The following ANKFN1 variants were observed in gnomAD, a reference collection of about 807,000 sequenced individuals.
The protein encoded by ANKFN1 is ankyrin repeat and fibronectin type-III domain-containing protein 1.
Under a neutral mutation model 108.7 loss-of-function variants are expected in ANKFN1, and 74 were observed. The ratio of observed to expected loss-of-function variants is 0.68; its 90% CI spans 0.56 to 0.83. The LOEUF is 0.83. Among genes scored for constraint, ANKFN1 ranks in the 40% least tolerant of loss-of-function variants. The pLI is 0.00. For synonymous variants in ANKFN1, 547 were observed against 516.2 expected (o/e 1.06, Z -0.81); for missense variants, 1,505 against 1,382.3 (o/e 1.09, Z -1.41).
intron 8 of ANKFN1, among the ~76,000 whole-genome samples, chr17:56,387,504 T>C (rs2047310435): frequency 6.6e-6 from 1 of 152,250 alleles, no homozygotes; most frequent in African/African-American, 2.4e-5. Context: ...GCACATATCA[T>C]ATGTTAAAAA....
At chr17:56,330,777 T>C (rs2144562701) in intron 4 of ANKFN1, among the ~76,000 whole-genome samples, 1 of 152,336 alleles carries the variant, frequency 6.6e-6, no homozygotes, top group African/African-American at 2.4e-5. Context: ...GGTTACAAAG[T>C]AGATCATCCA....
intron 2 of ANKFN1, among the ~76,000 whole-genome samples, chr17:56,219,890 T>C (rs1322169227): frequency 1.3e-5 from 2 of 152,234 alleles, no homozygotes; most frequent in Non-Finnish European, 1.5e-5. Flanking sequence ...AGGAGGCCCT[T>C]GGCTTTTTAA....
intron 8 of ANKFN1, among the ~76,000 whole-genome samples, chr17:56,375,797 C>T (rs922841619): frequency 6.6e-6 from 1 of 152,170 alleles, no homozygotes; most frequent in African/African-American, 2.4e-5. Flanking sequence ...ATGCACCAGG[C>T]ACCATTTAAA....
chr17:56,467,796 A>AAG (rs1491389741), intron 15 of ANKFN1, among the ~76,000 whole-genome samples: 66 of 18,174 alleles, frequency 3.6e-3, no homozygotes, highest in African/African-American at 0.012. Flanking sequence ...AGAAAGAAGA[A>AAG]AGAAAGAAAG....
At chr17:56,338,238 T>C (rs900162586) in intron 4 of ANKFN1, among the ~76,000 whole-genome samples, 6 of 151,894 alleles carry the variant, frequency 4.0e-5, no homozygotes, top group South Asian at 2.1e-4. Flanking sequence ...CACTCATAGG[T>C]GGGAATTGAA....
chr17:56,262,502 A>G (rs2043539536), intron 3 of ANKFN1, among the ~76,000 whole-genome samples: 1 of 152,136 alleles, frequency 6.6e-6, no homozygotes. Flanking sequence ...TTATTTGGAG[A>G]TTTATATGGA....
At chr17:56,360,626 C>A (rs1216419817) in intron 6 of ANKFN1, among the ~76,000 whole-genome samples, 1 of 152,108 alleles carries the variant, frequency 6.6e-6, no homozygotes, top group Non-Finnish European at 1.5e-5. Context: ...AAGCCTATTT[C>A]TTTTGAGGGG....
At chr17:56,245,014 G>A (rs1209405521) in intron 3 of ANKFN1, among the ~76,000 whole-genome samples, 1 of 151,878 alleles carries the variant, frequency 6.6e-6, no homozygotes, top group African/African-American at 2.4e-5. Flanking sequence ...TTGCTTACTT[G>A]TCTGTAGCCC....
chr17:56,226,982 A>G (rs1916326293), intron 2 of ANKFN1, among the ~76,000 whole-genome samples: 1 of 152,122 alleles, frequency 6.6e-6, no homozygotes, highest in Non-Finnish European at 1.5e-5. Flanking sequence ...TAGAGCTTGG[A>G]AAAACATCGG....
chr17:56,246,536 G>A (rs984252428), intron 3 of ANKFN1, among the ~76,000 whole-genome samples: 7 of 151,924 alleles, frequency 4.6e-5, no homozygotes, highest in Non-Finnish European at 1.0e-4. Flanking sequence ...CAAACTCCTT[G>A]TGCAATTTTT....
At chr17:56,477,460 CTTTTT>C (rs373804237) in intron 15 of ANKFN1, 23 bp from the exon 16 acceptor site, 848 of 1,345,504 alleles carry the variant, frequency 6.3e-4, no homozygotes, top group South Asian at 1.6e-3. Flanking sequence ...TTCTTGTTTT[CTTTTT>C]TTTTTTTTTT....
rs536431273 is a variant in ANKFN1, at chr17:56,086,578, C to T, written c.288+40253C>T. ...CATTTAAGGTTTTTATCAGGCTAGCCAGAGGCTTCACCTGGATTCTTCTCC... is the reference window on the plus strand; with the variant it reads ...CATTTAAGGTTTTTATCAGGCTAGCTAGAGGCTTCACCTGGATTCTTCTCC... On this transcript the variant is annotated intron_variant, in intron 4 of 12. Transcript: ENST00000635860. Among the ~76,000 whole-genome samples, 145 of 151,422 alleles carry T rather than the reference C, an allele frequency of 9.6e-4. 7 individuals are homozygous for T. The highest frequency in any genetic ancestry group is 1.2e-3 in the Non-Finnish European group (81 of 67,724).
intron 8 of ANKFN1, among the ~76,000 whole-genome samples, chr17:56,412,483 C>T (rs1366355400): frequency 1.3e-5 from 2 of 152,148 alleles, no homozygotes; most frequent in East Asian, 3.9e-4. Flanking sequence ...GGCAGACCCA[C>T]CCTCACTCTG....
At chr17:56,354,545 C>T (rs1381043207) in intron 6 of ANKFN1, among the ~76,000 whole-genome samples, 5 of 152,024 alleles carry the variant, frequency 3.3e-5, no homozygotes, top group Non-Finnish European at 7.4e-5. Flanking sequence ...GGAATACTTC[C>T]AATAAGCAAG....
At chr17:56,372,097 C>A (rs143992734) in intron 6 of ANKFN1, among the ~76,000 whole-genome samples, 1 of 152,126 alleles carries the variant, frequency 6.6e-6, no homozygotes, top group Admixed American at 6.6e-5. Flanking sequence ...CATTGATTAA[C>A]AATAATAAAA....
At position 56,511,558 on chromosome 17, in the gene ANKFN1, G is replaced by A; in HGVS notation, c.*289G>A. 1 of 336,164 alleles carries A rather than the reference G, an allele frequency of 3.0e-6. No homozygotes were observed. Among genetic ancestry groups the A allele is most frequent in the South Asian group, 7.6e-5 (1 of 13,218 alleles). The allele number at this position is 336,164 out of a possible 1,614,324, so 20.8% of individuals were successfully genotyped here. ...ATGCCACCCTGTTGGTGGCACCTAT[G>A]ACTGAAGCTGGCCATCCCAAAGAGA... On this transcript the variant is annotated 3_prime_UTR_variant, in exon 21 of 21. Coordinates refer to ENST00000682825, the MANE Select transcript of ANKFN1 (RefSeq NM_001370326.1).
rs58283151 is a variant in ANKFN1, at chr17:56,123,795, TTGTGTGTGTGTGTGTG to T, written c.288+77485_288+77500del. Among the ~76,000 whole-genome samples, 3 of 144,812 alleles carry T rather than the reference TTGTGTGTGTGTGTGTG, an allele frequency of 2.1e-5. No homozygotes were observed. The East Asian group carries it at 6.2e-4, about 30-fold the overall frequency. Reference sequence around the variant, plus strand: ...TGTGTGAGCCTGTGTGCATGACTGATTGTGTGTGTGTGTGTGTGTGTGTGTGTGTGACAGAGAGAGA... The same window carrying T: ...TGTGTGAGCCTGTGTGCATGACTGATTGTGTGTGTGTGTGACAGAGAGAGA... On this transcript the variant is annotated intron_variant, in intron 4 of 12. Coordinates refer to the ANKFN1 transcript ENST00000635860.
chr17:56,218,946 C>G (rs914824384), intron 2 of ANKFN1, among the ~76,000 whole-genome samples: 1 of 152,072 alleles, frequency 6.6e-6, no homozygotes, highest in African/African-American at 2.4e-5. Context: ...GAAGAACTTC[C>G]TTTGCTCCTA....
chr17:56,194,985 A>G (rs1420967330), intron 1 of ANKFN1, among the ~76,000 whole-genome samples: 1 of 152,240 alleles, frequency 6.6e-6, no homozygotes, highest in Non-Finnish European at 1.5e-5. Flanking sequence ...ACTCATGTAG[A>G]CAACTGAAGA....
Sources: allele counts gnomAD v4.1 joint callset (sites outside exome capture counted in the v4.1 genomes callset), GRCh38; gene constraint gnomAD v4.1.1; transcripts MANE v1.5; gene names NCBI Gene and HGNC (gene_info 2026-07-23, HGNC 2026-07-21).